CPXM2: variants seen among roughly 807,000 people sequenced by gnomAD.
CPXM2 encodes inactive carboxypeptidase-like protein X2.
Under a neutral mutation model 86.1 loss-of-function variants are expected in CPXM2, and 66 were observed. That is an observed-to-expected ratio of 0.77 (90% CI 0.63 to 0.94). The LOEUF (loss-of-function observed/expected upper bound fraction) is 0.94, where lower values mean the gene tolerates loss of function less well. Ranked by LOEUF, CPXM2 falls within the 40% of genes least tolerant of loss-of-function variation. CPXM2 has a pLI of 0.00. For missense variants in CPXM2, 948 were observed against 1,026.3 expected, an observed-to-expected ratio of 0.92 and a Z score of 1.04; for synonymous variants, 388 against 400.2, an observed-to-expected ratio of 0.97 and a Z score of 0.36.
At chr10:123,875,645 TAA>T (rs1944970030) in intron 2 of CPXM2, among the ~76,000 whole-genome samples, 1 of 152,070 alleles carries the variant, frequency 6.6e-6, no homozygotes, top group Non-Finnish European at 1.5e-5. Context: ...AAATATACAT[TAA>T]GTTGGCCAAT....
intron 3 of CPXM2, 82 bp from the exon 4 acceptor site, chr10:123,842,570 G>A (rs1393759124): frequency 4.3e-6 from 6 of 1,389,616 alleles, no homozygotes; most frequent in South Asian, 3.8e-5. Flanking sequence ...AGGCTGAGAG[G>A]AAGGGAGGGA....
chr10:123,933,894 A>C (rs1221852663), intron 2 of CPXM2, among the ~76,000 whole-genome samples: 1 of 152,062 alleles, frequency 6.6e-6, no homozygotes, highest in East Asian at 1.9e-4. Flanking sequence ...GAGAGAGGAA[A>C]TATGTCTTCC....
chr10:123,843,337 A>T, intron 3 of CPXM2: 1 of 448,858 alleles, frequency 2.2e-6, no homozygotes, highest in South Asian at 1.6e-5. Flanking sequence ...TGAAGAGATA[A>T]TTCCCTGACT....
rs149753704 is a variant in CPXM2 at position 123,746,804 on chromosome 10, C to G, written c.2231G>C (p.Arg744Pro). 7.6e-4 allele frequency: 1,220 copies of G among 1,614,228 alleles called. 2 individuals are homozygous for G. The highest frequency in any genetic ancestry group is 9.4e-4 in the Non-Finnish European group (1,113 of 1,180,034). ...TCTCTTCTGCCCCCGCAGCTTCAGCCGCCTGGCTGGCAGGCTGACGGGCTG... is the reference window on the plus strand; with the variant it reads ...TCTCTTCTGCCCCCGCAGCTTCAGCGGCCTGGCTGGCAGGCTGACGGGCTG... ...GKQPVSLPAR[R>P]LKLRGQKRRQ... The change falls in exon 14 of 14, where the codon CGG becomes CCG. Residue 744 changes from arginine (R) to proline (P), a missense_variant. Coordinates refer to ENST00000241305, the MANE Select transcript of CPXM2 (RefSeq NM_198148.3).
chr10:123,747,949 T>C (rs1846001515), intron 13 of CPXM2, among the ~76,000 whole-genome samples: 1 of 147,158 alleles, frequency 6.8e-6, no homozygotes, highest in Admixed American at 6.8e-5. Context: ...AAAGACAGGT[T>C]CTAGGCTGAG....
intron 4 of CPXM2, among the ~76,000 whole-genome samples, chr10:123,816,693 C>T (rs1014556592): frequency 6.6e-6 from 1 of 152,236 alleles, no homozygotes; most frequent in Non-Finnish European, 1.5e-5. Context: ...TTTCTCCATT[C>T]CTGTCCATAA....
chr10:123,842,330 T>C lies in CPXM2; in HGVS notation c.653+19A>G, dbSNP rs1227502481. On this transcript the variant is annotated intron_variant, in intron 4 of 13. Coordinates refer to ENST00000241305, the MANE Select transcript of CPXM2 (RefSeq NM_198148.3). Reference sequence around the variant, plus strand: ...GACCCAAAACAGGGTCCAGAAAGCATATGTCCAGGTACACTCACAGCCAGA... The same window carrying C: ...GACCCAAAACAGGGTCCAGAAAGCACATGTCCAGGTACACTCACAGCCAGA... The C allele has an allele frequency of 1.2e-6, 2 of 1,613,998 alleles. No homozygotes were observed. Among genetic ancestry groups the C allele is most frequent in the Admixed American group, 1.7e-5 (1 of 59,998 alleles).
rs550032711 is a variant in CPXM2 at position 123,768,697 on chromosome 10, C to A, written c.1128G>T (p.Ala376=). ...CCAGCACCTCATTGCCGTGGGCCCC[C>A]GCGATGTAGTGGAACTCGGGCTCAC... ...EVGEPEFHYI[A]GAHGNEVLGR... The change falls in exon 9 of 14, where the codon GCG becomes GCT. Residue 376 remains alanine, a synonymous_variant. Transcript: ENST00000241305. 3 of 1,610,640 alleles carry A rather than the reference C, an allele frequency of 1.9e-6. No homozygotes were observed. The highest frequency in any genetic ancestry group is 1.3e-5 in the African/African-American group (1 of 75,050).
chr10:123,838,402 C>T (rs556950994), intron 4 of CPXM2, among the ~76,000 whole-genome samples: 14 of 152,150 alleles, frequency 9.2e-5, no homozygotes, highest in Admixed American at 8.5e-4. Flanking sequence ...TGCAGTGAGT[C>T]GATATCACTC....
intron 3 of CPXM2, among the ~76,000 whole-genome samples, chr10:123,842,905 G>A (rs188222637): frequency 6.6e-6 from 1 of 152,294 alleles, no homozygotes; most frequent in Admixed American, 6.5e-5. Flanking sequence ...ACACAGTGGG[G>A]CCGGTGCTAT....
chr10:123,878,574 A>G (rs1171156210), intron 2 of CPXM2, among the ~76,000 whole-genome samples: 1 of 150,584 alleles, frequency 6.6e-6, no homozygotes, highest in Non-Finnish European at 1.5e-5. Context: ...TCTTTCCGAA[A>G]ATGGTCTCCT....
At chr10:123,766,481 A>T (rs1268217446) in intron 10 of CPXM2, among the ~76,000 whole-genome samples, 1 of 152,244 alleles carries the variant, frequency 6.6e-6, no homozygotes, top group Non-Finnish European at 1.5e-5. Context: ...GTATGGGAGA[A>T]TTATTTCTTC....
intron 3 of CPXM2, among the ~76,000 whole-genome samples, chr10:123,860,267 A>C (rs2134191911): frequency 6.6e-6 from 1 of 152,306 alleles, no homozygotes; most frequent in African/African-American, 2.4e-5. Flanking sequence ...ACCTAAGGTC[A>C]CCACTCAAGG....
At chr10:123,780,380 G>T (rs1846906748) in intron 6 of CPXM2, 125 bp from the exon 7 acceptor site, 1 of 685,780 alleles carries the variant, frequency 1.5e-6, no homozygotes. Context: ...CGTTGGCTCA[G>T]AGATGAGAAA....
intron 2 of CPXM2, among the ~76,000 whole-genome samples, chr10:123,877,558 T>C (rs1336779999): frequency 6.6e-6 from 1 of 152,062 alleles, no homozygotes; most frequent in Non-Finnish European, 1.5e-5. Flanking sequence ...AAGAGACAAA[T>C]GGAAACAACC....
upstream of CPXM2, among the ~76,000 whole-genome samples, chr10:123,893,404 C>T (rs1052622692): frequency 4.6e-5 from 7 of 152,164 alleles, no homozygotes; most frequent in African/African-American, 9.7e-5. Context: ...TCTCTTTCTG[C>T]GCAGGCCACT....
At chr10:123,890,455 A>G (rs544023838) in intron 1 of CPXM2, among the ~76,000 whole-genome samples, 9 of 152,286 alleles carry the variant, frequency 5.9e-5, no homozygotes, top group Admixed American at 5.9e-4. Context: ...TGCCTTCCAT[A>G]CCCGGAGCCC....
At chr10:123,851,533 G>T (rs1389233399) in intron 3 of CPXM2, among the ~76,000 whole-genome samples, 1 of 152,144 alleles carries the variant, frequency 6.6e-6, no homozygotes, top group African/African-American at 2.4e-5. Flanking sequence ...ACTTTGGGAG[G>T]CCAAGGCGGG....
At position 123,761,896 on chromosome 10, in the gene CPXM2, C is replaced by A. The variant is rs145963968; in HGVS notation, c.1753G>T (p.Ala585Ser). 1.2e-6 allele frequency: 2 copies of A among 1,613,512 alleles called. No individual in the cohort carries two copies. The highest frequency in any genetic ancestry group is 8.5e-7 in the Non-Finnish European group (1 of 1,179,852). ...CTTCCAGCGACGGTGTGCCAGGAGG[C>A]CCCATTGACAGTGCCCTCCTCCTTC... Reference protein sequence around the residue: ...FQKEEGTVNGASWHTVAGSLN... With the variant: ...FQKEEGTVNGSSWHTVAGSLN... The change falls in exon 11 of 14, where the codon GCC becomes TCC. Residue 585 changes from alanine to serine, a missense_variant. Coordinates refer to ENST00000241305, the MANE Select transcript of CPXM2 (RefSeq NM_198148.3).
Sources: gnomAD v4.1 joint callset for allele counts (sites outside exome capture counted in the v4.1 genomes callset) on GRCh38, gnomAD v4.1.1 for gene constraint, MANE v1.5 for transcripts, NCBI Gene and HGNC (gene_info 2026-07-23, HGNC 2026-07-21) for gene names.